FLRT1: variants seen among roughly 807,000 people sequenced by gnomAD.
FLRT1 encodes the protein fibronectin leucine rich transmembrane protein 1.
In FLRT1, 14 loss-of-function variants were observed where a neutral mutation model predicts 30.9. The observed-to-expected ratio is 0.45, with a 90% CI of 0.30 to 0.71. FLRT1 has a LOEUF of 0.71. Ranked by LOEUF, FLRT1 falls within the 30% of genes least tolerant of loss-of-function variation. The probability of loss-of-function intolerance (pLI) is 0.08; values close to 1 mark genes in which losing one functional copy is unlikely to be tolerated. For missense variants in FLRT1, 737 were observed against 949.2 expected (o/e 0.78, Z 2.94); for synonymous variants, 368 against 430.4 (o/e 0.85, Z 1.80).
intron 2 of FLRT1, 22 bp from the exon 3 acceptor site, chr11:64,116,197 C>T (rs1411972860): frequency 6.5e-7 from 1 of 1,535,120 alleles, no homozygotes. Context: ...CTCTCACTGC[C>T]CCTGTCCTGT....
At chr11:64,063,607 C>T (rs1235838959) in intron 1 of FLRT1, among the ~76,000 whole-genome samples, 2 of 152,172 alleles carry the variant, frequency 1.3e-5, no homozygotes, top group African/African-American at 2.4e-5. Context: ...GTGAAGCTCA[C>T]GTAGGAATGA....
chr11:64,113,761 G>A (rs1944908524), intron 2 of FLRT1, among the ~76,000 whole-genome samples: 2 of 148,302 alleles, frequency 1.3e-5, no homozygotes, highest in Non-Finnish European at 3.0e-5. Context: ...TGGACGGACA[G>A]GTAAATGCAT....
chr11:64,050,658 G>A (rs1002305872), intron 1 of FLRT1, among the ~76,000 whole-genome samples: 4 of 152,244 alleles, frequency 2.6e-5, no homozygotes, highest in Non-Finnish European at 4.4e-5. Context: ...CACTCTTGTC[G>A]CCCAGGCTGG....
intron 2 of FLRT1, among the ~76,000 whole-genome samples, chr11:64,112,231 A>T (rs1173140161): frequency 6.6e-6 from 1 of 152,128 alleles, no homozygotes; most frequent in African/African-American, 2.4e-5. Flanking sequence ...AAAAACAAAA[A>T]AGGGCCAGGC....
intron 1 of FLRT1, among the ~76,000 whole-genome samples, chr11:64,066,294 C>CAAA (rs59963244): frequency 1.2e-3 from 60 of 50,678 alleles, no homozygotes; most frequent in Non-Finnish European, 1.8e-3. Flanking sequence ...GAGACTGTCT[C>CAAA]AAAAAAAAAA....
chr11:64,072,039 C>T (rs183559194), intron 1 of FLRT1, among the ~76,000 whole-genome samples: 109 of 152,308 alleles, frequency 7.2e-4, no homozygotes, highest in African/African-American at 2.6e-3. Flanking sequence ...TTGACCGCCG[C>T]GCGCACTAAA....
chr11:64,039,074 G>C (rs1048141056), intron 1 of FLRT1, among the ~76,000 whole-genome samples: 2 of 152,206 alleles, frequency 1.3e-5, no homozygotes, highest in African/African-American at 4.8e-5. Context: ...GGAGGACTGA[G>C]GTGGCCCTCA....
intron 1 of FLRT1, among the ~76,000 whole-genome samples, chr11:64,045,077 G>A (rs983837307): frequency 6.6e-6 from 1 of 152,256 alleles, no homozygotes; most frequent in African/African-American, 2.4e-5. Flanking sequence ...GCCTGTGCGG[G>A]CTGAGGGGGA....
chr11:64,094,430 T>TA (rs71468652), intron 1 of FLRT1, among the ~76,000 whole-genome samples: 11,674 of 142,436 alleles, frequency 0.082, 645 homozygotes, highest in East Asian at 0.36. Context: ...GACTCCAACT[T>TA]AAAAAAAAAA....
intron 1 of FLRT1, among the ~76,000 whole-genome samples, chr11:64,078,926 T>C (rs1944253622): frequency 6.6e-6 from 1 of 152,166 alleles, no homozygotes; most frequent in Non-Finnish European, 1.5e-5. Flanking sequence ...CATATCTTTA[T>C]GCCAGTGCGG....
intron 1 of FLRT1, among the ~76,000 whole-genome samples, chr11:64,071,985 C>T (rs1045417473): frequency 1.3e-5 from 2 of 152,250 alleles, no homozygotes; most frequent in Non-Finnish European, 2.9e-5. Context: ...AACGGGCTGG[C>T]TCCTGAGCCG....
At chr11:64,084,392 C>G (rs1264107959) in intron 1 of FLRT1, among the ~76,000 whole-genome samples, 2 of 152,220 alleles carry the variant, frequency 1.3e-5, no homozygotes, top group East Asian at 3.8e-4. Context: ...TCTGCCCCCG[C>G]TGCCTGAGCT....
intron 1 of FLRT1, among the ~76,000 whole-genome samples, chr11:64,068,579 A>T (rs771828426): frequency 2.6e-5 from 4 of 152,242 alleles, no homozygotes; most frequent in Non-Finnish European, 5.9e-5. Flanking sequence ...TTCCCATTTG[A>T]TTGGCAGATA....
At chr11:64,063,526 C>T (rs1943942119) in intron 1 of FLRT1, among the ~76,000 whole-genome samples, 4 of 152,110 alleles carry the variant, frequency 2.6e-5, no homozygotes. Flanking sequence ...CCAGGTGCCC[C>T]CCAAAAGTCT....
At position 64,114,156 on chromosome 11, in the gene FLRT1, G is replaced by A. The variant is rs561976568; in HGVS notation, c.-49-2063G>A. On this transcript the variant is annotated intron_variant, in intron 2 of 2. Coordinates refer to ENST00000682287, the MANE Select transcript of FLRT1 (RefSeq NM_013280.5). ...CATGCCTGAATGGATGAATGAACAA[G>A]TGGATGGATGCATGGATGCCTGGAT... 2.1e-5 allele frequency among the ~76,000 whole-genome samples: 3 copies of A among 144,160 alleles called. No individual in the cohort carries two copies. The East Asian group carries it at 6.7e-4, about 32-fold the overall frequency. 94.6% of individuals were successfully genotyped at this position (144,160 alleles called of 152,430 possible). A position where few individuals can be genotyped will look rare whatever the true frequency, so the allele number is the denominator to read the frequency against.
chr11:64,067,155 G>T lies in FLRT1; in HGVS notation c.-1038+30996G>T, dbSNP rs1214478812. 6.6e-6 allele frequency among the ~76,000 whole-genome samples: 1 copy of T among 152,200 alleles called. No homozygotes were observed. On this transcript the variant is annotated intron_variant, in intron 1 of 2. Coordinates refer to ENST00000682287, the MANE Select transcript of FLRT1 (RefSeq NM_013280.5). This position sits in a 1 kb window ranked among gnomAD's most constrained non-coding sequence, Gnocchi z 4.6. ...CCAAGTAGGCAGGGCTGGTGGGGGT[G>T]GGAGGCCGGCCATACCCACCTGTAG...
chr11:64,105,071 A>G (rs594461), intron 2 of FLRT1, among the ~76,000 whole-genome samples: 71,800 of 152,230 alleles, frequency 0.47, 17,732 homozygotes, highest in African/African-American at 0.61. Context: ...ACGGCGCAGC[A>G]TGCATGCCAT....
chr11:64,087,500 T>C (rs1331715585), intron 1 of FLRT1, among the ~76,000 whole-genome samples: 1 of 152,176 alleles, frequency 6.6e-6, no homozygotes, highest in African/African-American at 2.4e-5. Context: ...CTCTCCACAG[T>C]TGCCACCCCT....
chr11:64,111,202 C>G (rs1400019064), intron 2 of FLRT1, among the ~76,000 whole-genome samples: 1 of 152,210 alleles, frequency 6.6e-6, no homozygotes, highest in East Asian at 1.9e-4. Context: ...TGGCTTTGGC[C>G]TTAACAAGTT....
Sources: gnomAD v4.1 joint callset for allele counts (sites outside exome capture counted in the v4.1 genomes callset) on GRCh38, gnomAD v4.1.1 for gene constraint, Gnocchi (gnomAD v3.1) non-coding constraint, MANE v1.5 for transcripts, NCBI Gene and HGNC (gene_info 2026-07-23, HGNC 2026-07-21) for gene names.